Variants in ZRANB3 observed in about 807,000 individuals in gnomAD.
The protein encoded by ZRANB3 is DNA annealing helicase and endonuclease ZRANB3.
A neutral mutation model predicts 133.8 loss-of-function variants in ZRANB3; 125 were observed. The ratio of observed to expected loss-of-function variants is 0.93; its 90% CI spans 0.81 to 1.08. ZRANB3 has a LOEUF of 1.08. Ranked by LOEUF, ZRANB3 falls within the 50% of genes least tolerant of loss-of-function variation. The pLI is 0.00. For missense variants in ZRANB3, 1,229 were observed against 1,275.5 expected (o/e 0.96, Z 0.56); for synonymous variants, 387 against 432.7 (o/e 0.89, Z 1.31).
chr2:135,481,673 G>A (rs1378563178), intron 2 of ZRANB3, among the ~76,000 whole-genome samples: 11 of 150,566 alleles, frequency 7.3e-5, no homozygotes, highest in African/African-American at 2.5e-4. Flanking sequence ...TGGTGTTTTA[G>A]ACATGAAGTC....
chr2:135,364,191 C>T (rs1384080002), intron 3 of ZRANB3, among the ~76,000 whole-genome samples: 1 of 152,084 alleles, frequency 6.6e-6, no homozygotes, highest in Non-Finnish European at 1.5e-5. Context: ...GTGGATGACT[C>T]TCAGGTTGCA....
chr2:135,315,283 T>C lies in ZRANB3; in HGVS notation c.849+76A>G, dbSNP rs1573895265. ...AGCAAACCTTTCCTTCTGTGAAATA[T>C]GAAATACGTATAATCTTTAATAGTG... On this transcript the variant is annotated intron_variant, in intron 7 of 20. Coordinates refer to ENST00000264159, the MANE Select transcript of ZRANB3 (RefSeq NM_032143.4). 9 of 1,257,446 alleles carry C rather than the reference T, an allele frequency of 7.2e-6. No individual in the cohort carries two copies. In the South Asian group the frequency reaches 1.2e-4, roughly 17 times the overall value. The allele number at this position is 1,257,446 out of a possible 1,614,324, so 77.9% of individuals were successfully genotyped here.
chr2:135,491,034 A>G (rs1359993376), intron 2 of ZRANB3, among the ~76,000 whole-genome samples: 1 of 152,162 alleles, frequency 6.6e-6, no homozygotes, highest in Non-Finnish European at 1.5e-5. Context: ...GGGTACAAAT[A>G]TACAGTTAGA....
chr2:135,240,013 G>T (rs1262461484), intron 12 of ZRANB3, among the ~76,000 whole-genome samples: 3 of 151,966 alleles, frequency 2.0e-5, no homozygotes, highest in Non-Finnish European at 4.4e-5. Context: ...GGAAAGCAGA[G>T]AGATTAATAG....
chr2:135,309,808 C>A (rs1682885137), intron 8 of ZRANB3, among the ~76,000 whole-genome samples: 1 of 152,096 alleles, frequency 6.6e-6, no homozygotes, highest in Non-Finnish European at 1.5e-5. Context: ...CAACACAATT[C>A]CAACAAAATT....
Position 135,275,614 on chromosome 2 carries a change from T to C in ZRANB3, c.1086+22A>G, listed in dbSNP as rs1680772762. 11 of 1,554,088 alleles carry C rather than the reference T, an allele frequency of 7.1e-6. No individual in the cohort carries two copies. The East Asian group carries it at 1.8e-4, about 26-fold the overall frequency. ...AAAAATATGCATTCTAAAAAGTATT[T>C]AGTTAAAAAATGGCAACATACCTTA... On this transcript the variant is annotated intron_variant, in intron 9 of 20. Transcript: ENST00000264159.
intron 11 of ZRANB3, among the ~76,000 whole-genome samples, chr2:135,268,355 CAG>C (rs1202764390): frequency 6.6e-6 from 1 of 151,984 alleles, no homozygotes; most frequent in Non-Finnish European, 1.5e-5. Context: ...TTAGTAGAGA[CAG>C]GGGTTCACCA....
intron 2 of ZRANB3, among the ~76,000 whole-genome samples, chr2:135,491,346 A>G (rs1391716892): frequency 1.3e-5 from 2 of 152,096 alleles, no homozygotes; most frequent in Non-Finnish European, 2.9e-5. Context: ...GTATTTTTTT[A>G]AATTAATTTA....
At chr2:135,392,169 C>T (rs909892754) in intron 2 of ZRANB3, among the ~76,000 whole-genome samples, 31 of 151,810 alleles carry the variant, frequency 2.0e-4, no homozygotes, top group African/African-American at 7.0e-4. Flanking sequence ...TGGCAAGAGG[C>T]CAGGTACAGT....
At chr2:135,369,670 G>A (rs143271201) in intron 3 of ZRANB3, among the ~76,000 whole-genome samples, 121 of 152,246 alleles carry the variant, frequency 7.9e-4, no homozygotes, top group African/African-American at 2.3e-3. Context: ...CACTATAGCC[G>A]AAGTAAGGTG....
At chr2:135,514,072 C>T (rs1015649314) in intron 1 of ZRANB3, among the ~76,000 whole-genome samples, 5 of 152,074 alleles carry the variant, frequency 3.3e-5, no homozygotes, top group Non-Finnish European at 7.4e-5. Flanking sequence ...AACTAGGTAG[C>T]GTGATGCCTC....
In ZRANB3 at chr2:135,503,600, CA is replaced by C. The variant is rs199522811; in HGVS notation, c.161+728del. On this transcript the variant is annotated intron_variant, in intron 2 of 20. Coordinates refer to ENST00000264159, the MANE Select transcript of ZRANB3 (RefSeq NM_032143.4). ...TTTGAAAAAAGTAAAGAAATACAGA[CA>C]GTAGTATAAGGTACTCATAAAACAC... Among the ~76,000 whole-genome samples the C allele has an allele frequency of 1.6e-4, 24 of 152,164 alleles. 3 individuals carry two copies. The highest frequency in any genetic ancestry group is 5.5e-4 in the African/African-American group (23 of 41,520).
chr2:135,390,643 C>A (rs1305710577), intron 3 of ZRANB3, among the ~76,000 whole-genome samples, 159 bp downstream of exon 3: 2 of 151,730 alleles, frequency 1.3e-5, no homozygotes, highest in African/African-American at 4.8e-5. Context: ...CATTCTCATT[C>A]TCTCTCCCCC....
intron 8 of ZRANB3, among the ~76,000 whole-genome samples, chr2:135,288,965 G>C (rs1011558545): frequency 2.0e-5 from 3 of 149,448 alleles, no homozygotes; most frequent in Non-Finnish European, 4.4e-5. Flanking sequence ...TCTTCTGCTG[G>C]GTTTGGGTCT....
intron 20 of ZRANB3, among the ~76,000 whole-genome samples, chr2:135,201,415 G>T (rs2105030975): frequency 6.6e-6 from 1 of 152,192 alleles, no homozygotes; most frequent in East Asian, 1.9e-4. Flanking sequence ...CGCTTTGAAA[G>T]GCCAAGGCAG....
intron 2 of ZRANB3, among the ~76,000 whole-genome samples, chr2:135,419,755 C>A (rs1157795927): frequency 6.6e-6 from 1 of 150,378 alleles, no homozygotes; most frequent in African/African-American, 2.4e-5. Flanking sequence ...CAGAGCAGGG[C>A]TACCCCATAG....
chr2:135,374,521 G>A (rs1686330813), intron 3 of ZRANB3, among the ~76,000 whole-genome samples: 1 of 144,182 alleles, frequency 6.9e-6, no homozygotes, highest in African/African-American at 2.6e-5. Context: ...TTTTTTTTGA[G>A]ATGGAGTTTC....
intron 11 of ZRANB3, among the ~76,000 whole-genome samples, chr2:135,268,438 A>C (rs1680350985): frequency 6.6e-6 from 1 of 152,182 alleles, no homozygotes. Flanking sequence ...AAGTGCTGGG[A>C]TTAGAGGCAT....
chr2:135,280,045 C>A (rs544412795), intron 8 of ZRANB3, among the ~76,000 whole-genome samples: 36 of 152,252 alleles, frequency 2.4e-4, no homozygotes, highest in African/African-American at 7.7e-4. Flanking sequence ...TTTAAATTAT[C>A]TGAACAGGAA....
Sources: allele counts gnomAD v4.1 joint callset (sites outside exome capture counted in the v4.1 genomes callset), GRCh38; gene constraint gnomAD v4.1.1; transcripts MANE v1.5; gene names NCBI Gene and HGNC (gene_info 2026-07-23, HGNC 2026-07-21).